The following EPB41L4A variants were observed in gnomAD, a reference collection of about 807,000 sequenced individuals.
EPB41L4A encodes erythrocyte membrane protein band 4.1 like 4A, also known as band 4.1-like protein 4A.
A neutral mutation model predicts 108.6 loss-of-function variants in EPB41L4A; 100 were observed. The ratio of observed to expected loss-of-function variants is 0.92; its 90% CI spans 0.78 to 1.09. The LOEUF (loss-of-function observed/expected upper bound fraction) is 1.09. EPB41L4A is among the 50% of genes least tolerant of loss of function. The pLI is 0.00. For synonymous variants in EPB41L4A, 319 were observed against 289.0 expected, an observed-to-expected ratio of 1.10 and a Z score of -1.05; for missense variants, 1,030 against 842.7, an observed-to-expected ratio of 1.22 and a Z score of -2.75.
At chr5:112,334,336 A>G (rs946695962) in intron 1 of EPB41L4A, among the ~76,000 whole-genome samples, 2 of 152,156 alleles carry the variant, frequency 1.3e-5, no homozygotes, top group African/African-American at 2.4e-5. Flanking sequence ...GGAAATTTAC[A>G]TTCTGTGTAG....
In EPB41L4A at chr5:112,195,560, AT is replaced by A; in HGVS notation, c.1424+100del. On this transcript the variant is annotated intron_variant, in intron 16 of 22. Transcript: ENST00000261486. ...AAACTGGCTTTTGAAAGTAAAAAAA[AT>A]AAAAAAAAATAATGCCCCCGCTCTT... 5.0e-6 allele frequency: 5 copies of A among 1,005,532 alleles called. No individual in the cohort carries two copies. The South Asian group carries it at 5.9e-5, about 12-fold the overall frequency. 62.3% of individuals were successfully genotyped at this position (1,005,532 alleles called of 1,614,324 possible).
intron 12 of EPB41L4A, among the ~76,000 whole-genome samples, chr5:112,228,042 T>C (rs1277549892): frequency 6.6e-6 from 1 of 152,158 alleles, no homozygotes; most frequent in Non-Finnish European, 1.5e-5. Context: ...TCGTGATTGC[T>C]GAGGATGCTG....
chr5:112,243,433 T>C (rs939443300), intron 9 of EPB41L4A, among the ~76,000 whole-genome samples: 2 of 152,156 alleles, frequency 1.3e-5, no homozygotes, highest in African/African-American at 2.4e-5. Flanking sequence ...TAAATGAATA[T>C]TGGCTTCAAC....
chr5:112,342,814 C>T (rs866716459), intron 1 of EPB41L4A, among the ~76,000 whole-genome samples: 3 of 152,132 alleles, frequency 2.0e-5, no homozygotes, highest in African/African-American at 7.2e-5. Flanking sequence ...CAGATACACA[C>T]GTTTTGTAGT....
chr5:112,180,064 A>G (rs978068818), intron 18 of EPB41L4A, among the ~76,000 whole-genome samples: 4 of 152,184 alleles, frequency 2.6e-5, no homozygotes, highest in Admixed American at 2.0e-4. Context: ...ATATAACAAA[A>G]TAAATTACTC....
intron 4 of EPB41L4A, among the ~76,000 whole-genome samples, chr5:112,273,609 A>G (rs1329524210): frequency 6.6e-6 from 1 of 152,194 alleles, no homozygotes; most frequent in Non-Finnish European, 1.5e-5. Flanking sequence ...AGAGCTTTAT[A>G]TATATTATTC....
chr5:112,356,528 G>C (rs1561601889), intron 1 of EPB41L4A, among the ~76,000 whole-genome samples: 1 of 152,212 alleles, frequency 6.6e-6, no homozygotes, highest in East Asian at 1.9e-4. Flanking sequence ...ATGCTAGAAA[G>C]TGCTTTAATA....
intron 1 of EPB41L4A, among the ~76,000 whole-genome samples, chr5:112,359,458 A>T (rs1428808295): frequency 6.6e-6 from 1 of 152,218 alleles, no homozygotes; most frequent in Non-Finnish European, 1.5e-5. Flanking sequence ...TTGGAATAAC[A>T]ACTGTTGATT....
intron 11 of EPB41L4A, among the ~76,000 whole-genome samples, chr5:112,238,251 T>C (rs1015919415): frequency 3.3e-5 from 5 of 152,212 alleles, no homozygotes; most frequent in African/African-American, 1.2e-4. Context: ...CTCTTCTCAA[T>C]ATAAATGTAA....
At chr5:112,235,973 T>C (rs1749304846) in intron 11 of EPB41L4A, among the ~76,000 whole-genome samples, 2 of 152,158 alleles carry the variant, frequency 1.3e-5, no homozygotes, top group South Asian at 4.1e-4. Context: ...AAAATCCCCA[T>C]AAAGTGAAAA....
At chr5:112,364,808 G>C (rs1185032151) in intron 1 of EPB41L4A, among the ~76,000 whole-genome samples, 1 of 152,090 alleles carries the variant, frequency 6.6e-6, no homozygotes, top group Non-Finnish European at 1.5e-5. Flanking sequence ...TCTCTAAGAA[G>C]AATCTCTAAA....
At position 112,188,846 on chromosome 5, in the gene EPB41L4A, G is replaced by A. The variant is rs1186486925; in HGVS notation, c.1503-4711C>T. 2.0e-5 allele frequency among the ~76,000 whole-genome samples: 3 copies of A among 152,036 alleles called. No individual in the cohort carries two copies. The South Asian group carries it at 6.2e-4, about 32-fold the overall frequency. ...ACATCCCAAATATATTTTTTCCCTA[G>A]GGTACAGGGACAATAAAGTTCTTCT... On this transcript the variant is annotated intron_variant, in intron 17 of 22. Transcript: ENST00000261486.
intron 1 of EPB41L4A, among the ~76,000 whole-genome samples, chr5:112,310,693 T>C (rs182991765): frequency 6.4e-4 from 97 of 152,330 alleles, no homozygotes; most frequent in African/African-American, 2.2e-3. Context: ...GAGTTTCTAA[T>C]GCCAAATCTT....
chr5:112,368,139 CTTTTA>C (rs1216198536), intron 1 of EPB41L4A, among the ~76,000 whole-genome samples: 1 of 152,134 alleles, frequency 6.6e-6, no homozygotes, highest in Admixed American at 6.6e-5. Context: ...GCTTTTAAGT[CTTTTA>C]TTATATTATT....
intron 9 of EPB41L4A, among the ~76,000 whole-genome samples, chr5:112,252,973 C>T (rs1750798182): frequency 6.6e-6 from 1 of 152,096 alleles, no homozygotes; most frequent in Admixed American, 6.6e-5. Flanking sequence ...ATGCTGAGGG[C>T]TGACTCATAA....
At chr5:112,375,326 C>CTT (rs1759747621) in intron 1 of EPB41L4A, among the ~76,000 whole-genome samples, 5 of 150,486 alleles carry the variant, frequency 3.3e-5, no homozygotes, top group Non-Finnish European at 1.5e-5. Context: ...CTCTCTCGCA[C>CTT]ACACACACAT....
rs560756820 is a variant in EPB41L4A at position 112,204,410 on chromosome 5, T to C, written c.1341A>G (p.Gly447=). 10 of 1,613,894 alleles carry C rather than the reference T, an allele frequency of 6.2e-6. No homozygotes were observed. In the Admixed American group the frequency reaches 1.7e-4, roughly 27 times the overall value. Reference sequence around the variant, plus strand: ...CAGGCTGTACAGAATCATTGTCACTTCCACAGGAGGGGTTTCGGCGACGCG... The same window carrying C: ...CAGGCTGTACAGAATCATTGTCACTCCCACAGGAGGGGTTTCGGCGACGCG... The part of the protein sequence containing the change: ...PYTRRRNPSC[G]SDNDSVQPVR... The change falls in exon 15 of 23, where the codon GGA becomes GGG. Residue 447 remains glycine, a synonymous_variant. Transcript: ENST00000261486.
rs577178642 is a variant in EPB41L4A, at chr5:112,397,838, C to T, written c.99+21103G>A. Among the ~76,000 whole-genome samples, 48 of 152,260 alleles carry T rather than the reference C, an allele frequency of 3.2e-4. No individual in the cohort carries two copies. In the South Asian group the frequency reaches 6.2e-3, roughly 20 times the overall value. On this transcript the variant is annotated intron_variant, in intron 1 of 22. Transcript: ENST00000261486. The stretch of plus-strand genomic sequence containing the variant: ...GGGACTAAGTAAATCCTCAATCACA[C>T]GGCTAGTAAGTGGCAGGTCAAGGAT...
At chr5:112,375,246 C>T (rs1759737069) in intron 1 of EPB41L4A, among the ~76,000 whole-genome samples, 1 of 151,894 alleles carries the variant, frequency 6.6e-6, no homozygotes, top group African/African-American at 2.4e-5. Context: ...GGGATGATCA[C>T]GTTGTCCCTT....
Sources: gnomAD v4.1 joint callset for allele counts (sites outside exome capture counted in the v4.1 genomes callset) on GRCh38, gnomAD v4.1.1 for gene constraint, MANE v1.5 for transcripts, NCBI Gene and HGNC (gene_info 2026-07-23, HGNC 2026-07-21) for gene names.